The following RANBP2 variants were observed in gnomAD, a reference collection of about 807,000 sequenced individuals.
The protein encoded by RANBP2 is E3 SUMO-protein ligase RanBP2.
Under a neutral mutation model 303.6 loss-of-function variants are expected in RANBP2, and 57 were observed. That is an observed-to-expected ratio of 0.19 (90% CI 0.15 to 0.23). The LOEUF (loss-of-function observed/expected upper bound fraction) is 0.23, where lower values mean the gene tolerates loss of function less well. Ranked by LOEUF, RANBP2 falls within the 10% of genes least tolerant of loss-of-function variation. The probability of loss-of-function intolerance (pLI) is 1.00; values close to 1 mark genes in which losing one functional copy is unlikely to be tolerated. For synonymous variants in RANBP2, 1,167 were observed against 1,301.5 expected (o/e 0.90, Z 2.23); for missense variants, 3,138 against 3,780.8 (o/e 0.83, Z 4.46).
At chr2:109,051,995 G>T in the RANBP2 span, among the ~76,000 whole-genome samples, 1 of 152,082 alleles carries the variant, frequency 6.6e-6, no homozygotes, top group Non-Finnish European at 1.5e-5. Flanking sequence ...TGATCCGCCC[G>T]CCTCGGCCTC....
chr2:109,570,333 A>T, the RANBP2 span, among the ~76,000 whole-genome samples: 1 of 152,328 alleles, frequency 6.6e-6, no homozygotes, highest in South Asian at 2.1e-4. Flanking sequence ...GTCAAAAGGT[A>T]ATATTGTAAT....
the RANBP2 span, among the ~76,000 whole-genome samples, chr2:109,688,364 T>C: frequency 1.3e-5 from 2 of 152,086 alleles, no homozygotes; most frequent in East Asian, 1.9e-4. Flanking sequence ...GGCTCTCCAG[T>C]GAACACTTGT....
At chr2:109,386,006 T>C in the RANBP2 span, among the ~76,000 whole-genome samples, 1 of 152,232 alleles carries the variant, frequency 6.6e-6, no homozygotes, top group South Asian at 2.1e-4. Flanking sequence ...GTAGCAATTC[T>C]TCATACCCTG....
the RANBP2 span, among the ~76,000 whole-genome samples, chr2:109,506,578 T>C: frequency 6.6e-6 from 1 of 152,244 alleles, no homozygotes; most frequent in African/African-American, 2.4e-5. Context: ...CACAGCCTTT[T>C]ATCTGCATAG....
the RANBP2 span, among the ~76,000 whole-genome samples, chr2:109,475,076 C>G: frequency 1.3e-5 from 2 of 152,140 alleles, no homozygotes; most frequent in Admixed American, 1.3e-4. Flanking sequence ...CTCCCAGGTT[C>G]GAGCGATCCT....
chr2:109,637,418 G>T, the RANBP2 span, among the ~76,000 whole-genome samples: 173 of 152,162 alleles, frequency 1.1e-3, 1 homozygote, highest in African/African-American at 4.0e-3. Flanking sequence ...GACCCTTTAC[G>T]GGTGTTGGGC....
the RANBP2 span, among the ~76,000 whole-genome samples, chr2:108,934,068 C>A: frequency 6.6e-6 from 1 of 152,140 alleles, no homozygotes; most frequent in Non-Finnish European, 1.5e-5. Flanking sequence ...AAGGGCTGGG[C>A]CTGCCGCACC....
the RANBP2 span, among the ~76,000 whole-genome samples, chr2:108,975,868 A>G: frequency 6.6e-6 from 1 of 152,098 alleles, no homozygotes; most frequent in Non-Finnish European, 1.5e-5. Flanking sequence ...CGTTCTGTGG[A>G]TGGTGGAAAG....
At chr2:108,938,418 G>A in the RANBP2 span, among the ~76,000 whole-genome samples, 2,280 of 152,286 alleles carry the variant, frequency 0.015, 29 homozygotes, top group South Asian at 0.03. Flanking sequence ...TCCCAAAGAG[G>A]AAGGAAGCTC....
chr2:109,658,288 A>G, the RANBP2 span, among the ~76,000 whole-genome samples: 1 of 150,628 alleles, frequency 6.6e-6, no homozygotes, highest in African/African-American at 2.4e-5. Context: ...TCTACTAAAA[A>G]TACAAAAAAT....
At chr2:108,828,774 C>T in the RANBP2 span, among the ~76,000 whole-genome samples, 2 of 152,056 alleles carry the variant, frequency 1.3e-5, no homozygotes, top group Non-Finnish European at 2.9e-5. Flanking sequence ...GTCAGGAGTT[C>T]GAGACCAGCC....
the RANBP2 span, among the ~76,000 whole-genome samples, chr2:109,423,597 G>A: frequency 4.6e-5 from 7 of 152,080 alleles, no homozygotes; most frequent in Admixed American, 6.6e-5. Flanking sequence ...AATAAGACTC[G>A]GTAAAATAAG....
chr2:108,943,914 G>C, the RANBP2 span, among the ~76,000 whole-genome samples: 9 of 152,148 alleles, frequency 5.9e-5, no homozygotes, highest in Non-Finnish European at 1.3e-4. Flanking sequence ...CCTCAGTTAC[G>C]TTGCTTCCAA....
In RANBP2 at chr2:108,784,012, C is replaced by A; in HGVS notation, c.*111C>A. ...TTTGAAAATGGACGTTTCCGATTTA[C>A]AAATGTAAAATTGCAGCTTATAGCT... On this transcript the variant is annotated 3_prime_UTR_variant, in exon 29 of 29. Transcript: ENST00000283195. 1 of 1,064,922 alleles carries A rather than the reference C, an allele frequency of 9.4e-7. No homozygotes were observed. The highest frequency in any genetic ancestry group is 1.4e-6 in the Non-Finnish European group (1 of 738,158). 66.0% of individuals were successfully genotyped at this position (1,064,922 alleles called of 1,614,324 possible).
the RANBP2 span, among the ~76,000 whole-genome samples, chr2:109,466,106 G>A: frequency 8.0e-6 from 1 of 125,288 alleles, no homozygotes. Flanking sequence ...TTGAGATGGA[G>A]TCTCGCTCCG....
rs1677255457 is a variant in RANBP2, at chr2:108,768,315, A to T, written c.7776A>T (p.Lys2592Asn). The T allele has an allele frequency of 6.2e-7, 1 of 1,612,046 alleles. No homozygotes were observed. The highest frequency in any genetic ancestry group is 8.5e-7 in the Non-Finnish European group (1 of 1,179,862). Residue 2592 changes from lysine (K) to asparagine (N), a missense_variant, in exon 20 of 29, where the codon AAA becomes AAT. Physicochemically the swap from Lys to Asn is moderately conservative, Grantham distance 94 (BLOSUM62 0). This residue lies in a region of RANBP2 where 497 missense variants were observed against 465.8 expected (regional missense o/e 1.07). Coordinates refer to ENST00000283195, the MANE Select transcript of RANBP2 (RefSeq NM_006267.5). ...ATATCGAACAGTCTTCAGATAGCAAAGTCAAAAATCTCTTTGCTTCCTTTC... is the reference window on the plus strand; with the variant it reads ...ATATCGAACAGTCTTCAGATAGCAATGTCAAAAATCTCTTTGCTTCCTTTC... ...NSDIEQSSDSKVKNLFASFPT... is the reference protein window; with the variant it reads ...NSDIEQSSDSNVKNLFASFPT...
the RANBP2 span, among the ~76,000 whole-genome samples, chr2:109,189,736 G>A: frequency 6.6e-6 from 1 of 152,146 alleles, no homozygotes; most frequent in African/African-American, 2.4e-5. Context: ...TTTTAGGTTT[G>A]CATCATTATC....
At chr2:109,723,366 T>G in the RANBP2 span, among the ~76,000 whole-genome samples, 2 of 152,150 alleles carry the variant, frequency 1.3e-5, no homozygotes, top group Non-Finnish European at 2.9e-5. Flanking sequence ...GCCAGGCTGG[T>G]CTCAAACTCC....
chr2:109,505,295 C>A, the RANBP2 span, among the ~76,000 whole-genome samples: 4 of 152,248 alleles, frequency 2.6e-5, no homozygotes, highest in African/African-American at 9.6e-5. Context: ...AACAGGCTTT[C>A]ACTGTTCTCT....
Sources: gnomAD v4.1 joint callset for allele counts (sites outside exome capture counted in the v4.1 genomes callset) on GRCh38, gnomAD v4.1.1 for gene constraint, gnomAD v4.1.1 regional missense constraint, MANE v1.5 for transcripts, NCBI Gene and HGNC (gene_info 2026-07-23, HGNC 2026-07-21) for gene names.